Variants in SLC4A4 observed in about 807,000 individuals in gnomAD.
SLC4A4 encodes solute carrier family 4 member 4.
Under a neutral mutation model 111.5 loss-of-function variants are expected in SLC4A4, and 27 were observed. That is an observed-to-expected ratio of 0.24 (90% CI 0.18 to 0.33). The LOEUF (loss-of-function observed/expected upper bound fraction) is 0.33, where lower values mean the gene tolerates loss of function less well. SLC4A4 is among the 10% of genes least tolerant of loss of function. SLC4A4 has a pLI of 1.00. For synonymous variants in SLC4A4, 443 were observed against 463.4 expected (o/e 0.96, Z 0.57); for missense variants, 909 against 1,315.5 (o/e 0.69, Z 4.78).
chr4:71,566,809 C>A (rs1026264642), intron 24 of SLC4A4, among the ~76,000 whole-genome samples, 195 bp from the exon 25 acceptor site: 1 of 151,678 alleles, frequency 6.6e-6, no homozygotes, highest in African/African-American at 2.4e-5. Flanking sequence ...CCCAGAAAAC[C>A]TAAAGTAAAA....
intron 3 of SLC4A4, among the ~76,000 whole-genome samples, chr4:71,306,285 A>G (rs1440254481): frequency 1.3e-5 from 2 of 151,466 alleles, no homozygotes; most frequent in Non-Finnish European, 2.9e-5. Context: ...TTTCTTGTCT[A>G]TAAAATGGGA....
intron 1 of SLC4A4, among the ~76,000 whole-genome samples, chr4:71,071,361 C>T (rs959409278): frequency 6.6e-6 from 1 of 151,254 alleles, no homozygotes; most frequent in African/African-American, 2.4e-5. Flanking sequence ...ATCTAGATTC[C>T]TTGTTTTTAT....
chr4:71,278,860 A>G (rs1394509696), intron 3 of SLC4A4, among the ~76,000 whole-genome samples: 1 of 152,218 alleles, frequency 6.6e-6, no homozygotes, highest in Non-Finnish European at 1.5e-5. Flanking sequence ...TGTTTTGGAC[A>G]TTAATCCCTT....
rs1157721306 is a variant in SLC4A4 at position 71,204,010 on chromosome 4, A to T, written c.-2+16609A>T. Among the ~76,000 whole-genome samples the T allele has an allele frequency of 2.6e-5, 4 of 152,222 alleles. No individual in the cohort carries two copies. The East Asian group carries it at 7.7e-4, about 29-fold the overall frequency. On this transcript the variant is annotated intron_variant, in intron 1 of 25. Transcript: ENST00000264485. ...ATTCCAGAAAAGCCATGTTATTAGAATTTATATTTTCTCTGAAAACCAAGT... is the reference window on the plus strand; with the variant it reads ...ATTCCAGAAAAGCCATGTTATTAGATTTTATATTTTCTCTGAAAACCAAGT...
chr4:71,556,276 A>C lies in SLC4A4; in HGVS notation c.2763+1068A>C, dbSNP rs573949990. ...GTTCTTCATAGAGTGGACTAGATGAATGTGAGTTTATTTGTGCTCATGAAA... is the reference window on the plus strand; with the variant it reads ...GTTCTTCATAGAGTGGACTAGATGACTGTGAGTTTATTTGTGCTCATGAAA... On this transcript the variant is annotated intron_variant, in intron 21 of 25. Transcript: ENST00000264485. Among the ~76,000 whole-genome samples the C allele has an allele frequency of 3.0e-4, 45 of 152,106 alleles. No homozygotes were observed. In the South Asian group the frequency reaches 9.1e-3, roughly 31 times the overall value.
chr4:71,331,627 T>C (rs529117859), intron 3 of SLC4A4, among the ~76,000 whole-genome samples: 4 of 151,194 alleles, frequency 2.6e-5, no homozygotes, highest in African/African-American at 9.7e-5. Context: ...ATATACCTAA[T>C]GTAAATGACG....
intron 1 of SLC4A4, among the ~76,000 whole-genome samples, chr4:71,067,304 G>T (rs1741545575): frequency 6.6e-6 from 1 of 151,946 alleles, no homozygotes; most frequent in Non-Finnish European, 1.5e-5. Context: ...AGCTTTGAAA[G>T]ATTATAGTTT....
chr4:71,168,882 C>T (rs1051820518), intron 2 of SLC4A4, among the ~76,000 whole-genome samples: 1 of 152,128 alleles, frequency 6.6e-6, no homozygotes, highest in African/African-American at 2.4e-5. Context: ...GCTTCCAAAT[C>T]TTGGCTATTA....
At position 71,571,660 on chromosome 4, in the gene SLC4A4, A is replaced by G. The variant is rs1014056535; in HGVS notation, c.*3909A>G. On this transcript the variant is annotated 3_prime_UTR_variant, in exon 26 of 26. Coordinates refer to ENST00000264485, the MANE Select transcript of SLC4A4 (RefSeq NM_001098484.3). ...CATCCAGTGAAACTTTTAGAGCCAGAAGTAACTTTGTCCCAGTCCTACAAT... is the reference window on the plus strand; with the variant it reads ...CATCCAGTGAAACTTTTAGAGCCAGGAGTAACTTTGTCCCAGTCCTACAAT... The G allele has an allele frequency of 6.6e-6, 1 of 152,294 alleles. No individual in the cohort carries two copies. The highest frequency in any genetic ancestry group is 2.4e-5 in the African/African-American group (1 of 41,404). 9.4% of individuals were successfully genotyped at this position (152,294 alleles called of 1,614,324 possible). A position where few individuals can be genotyped will look rare whatever the true frequency, so the allele number is the denominator to read the frequency against.
At chr4:71,292,533 T>C (rs1724434847) in intron 3 of SLC4A4, among the ~76,000 whole-genome samples, 1 of 152,176 alleles carries the variant, frequency 6.6e-6, no homozygotes, top group African/African-American at 2.4e-5. Flanking sequence ...TACAGAGTTT[T>C]CCAATGCTCT....
At chr4:71,551,615 T>C (rs1736002242) in intron 20 of SLC4A4, among the ~76,000 whole-genome samples, 1 of 151,938 alleles carries the variant, frequency 6.6e-6, no homozygotes, top group Non-Finnish European at 1.5e-5. Flanking sequence ...ATTCAGGCAG[T>C]TCTGACATGA....
chr4:71,125,728 C>T (rs1743543753), intron 2 of SLC4A4, among the ~76,000 whole-genome samples: 1 of 152,088 alleles, frequency 6.6e-6, no homozygotes. Context: ...ATTAAATTAG[C>T]AAGATATTAA....
chr4:71,500,863 TA>T (rs1730858294), intron 16 of SLC4A4, among the ~76,000 whole-genome samples: 1 of 152,208 alleles, frequency 6.6e-6, no homozygotes, highest in African/African-American at 2.4e-5. Context: ...CTGTTTTGAT[TA>T]CTATAGTTTT....
chr4:71,435,453 T>C (rs1724041560), intron 7 of SLC4A4, among the ~76,000 whole-genome samples: 1 of 151,790 alleles, frequency 6.6e-6, no homozygotes, highest in Non-Finnish European at 1.5e-5. Context: ...AACCATAAAA[T>C]CCATAAAAGA....
At chr4:71,275,780 C>T (rs1006560728) in intron 3 of SLC4A4, among the ~76,000 whole-genome samples, 5 of 152,226 alleles carry the variant, frequency 3.3e-5, no homozygotes, top group South Asian at 4.1e-4. Context: ...TATTGGGCTG[C>T]GGCTTCCTAG....
rs763214525 is a variant in SLC4A4, at chr4:71,472,751, G to A, written c.1684G>A (p.Ala562Thr). The change falls in exon 14 of 26, where the codon GCC becomes ACC. Residue 562 changes from alanine (A) to threonine (T), a missense_variant. Physicochemically the swap from Ala to Thr is moderately conservative, Grantham distance 58. This residue lies in a region of SLC4A4 where 264 missense variants were observed against 356.8 expected (regional missense o/e 0.74). Coordinates refer to ENST00000264485, the MANE Select transcript of SLC4A4 (RefSeq NM_001098484.3). ...EFRLWIGLWS[A>T]FLCLILVATD... ...TCGCCTTTGGATTGGCCTGTGGTCC[G>A]CCTTCCTATGTCTCATTTTGGTAGC... The A allele has an allele frequency of 1.2e-6, 2 of 1,612,532 alleles. No individual in the cohort carries two copies. Among genetic ancestry groups the A allele is most frequent in the East Asian group, 2.2e-5 (1 of 44,810 alleles).
chr4:71,348,708 G>A (rs1335794143), intron 4 of SLC4A4, among the ~76,000 whole-genome samples: 1 of 152,034 alleles, frequency 6.6e-6, no homozygotes, highest in Non-Finnish European at 1.5e-5. Flanking sequence ...TGACATTGTG[G>A]GCTGATCGCT....
chr4:71,482,678 C>T (rs992026583), intron 14 of SLC4A4, among the ~76,000 whole-genome samples: 1 of 151,658 alleles, frequency 6.6e-6, no homozygotes, highest in Non-Finnish European at 1.5e-5. Flanking sequence ...CTTCTCAACA[C>T]TATCCAAATA....
chr4:71,133,390 T>C (rs948029150), intron 2 of SLC4A4, among the ~76,000 whole-genome samples: 1 of 152,240 alleles, frequency 6.6e-6, no homozygotes, highest in African/African-American at 2.4e-5. Flanking sequence ...AGTGTGATTC[T>C]GTCCTATGTG....
Sources: gnomAD v4.1 joint callset for allele counts (sites outside exome capture counted in the v4.1 genomes callset) on GRCh38, gnomAD v4.1.1 for gene constraint, gnomAD v4.1.1 regional missense constraint, MANE v1.5 for transcripts, NCBI Gene and HGNC (gene_info 2026-07-23, HGNC 2026-07-21) for gene names.